RHAG: variants seen among roughly 807,000 people sequenced by gnomAD.
The protein encoded by RHAG is Rh associated glycoprotein, also known as ammonium transporter Rh type A.
RHAG carries 25 observed loss-of-function variants against 42.4 expected under a neutral mutation model. The observed-to-expected ratio is 0.59, with a 90% confidence interval of 0.43 to 0.82. The LOEUF is 0.82. Ranked by LOEUF, RHAG falls within the 40% of genes least tolerant of loss-of-function variation. The pLI is 0.00. For missense variants in RHAG, 483 were observed against 504.6 expected (o/e 0.96, Z 0.41); for synonymous variants, 182 against 177.7 (o/e 1.02, Z -0.19).
intron 3 of RHAG, among the ~76,000 whole-genome samples, chr6:49,617,864 AG>A (rs1762679996): frequency 6.6e-6 from 1 of 152,210 alleles, no homozygotes; most frequent in African/African-American, 2.4e-5. Context: ...CGTACAATGC[AG>A]TGTTGTTGTG....
chr6:49,615,002 C>A, intron 4 of RHAG, 149 bp from the exon 5 acceptor site: 1 of 743,256 alleles, frequency 1.3e-6, no homozygotes, highest in Non-Finnish European at 2.2e-6. Flanking sequence ...GGCTGGAGTG[C>A]AGTGGCTTGA....
chr6:49,611,274 A>G, intron 6 of RHAG, 129 bp from the exon 7 acceptor site: 1 of 711,872 alleles, frequency 1.4e-6, no homozygotes, highest in Admixed American at 2.6e-5. Context: ...TTTTATGTAT[A>G]TTTAAGGTAT....
chr6:49,608,470 C>A (rs1985222), intron 7 of RHAG, among the ~76,000 whole-genome samples: 33,997 of 143,508 alleles, frequency 0.24, 4,324 homozygotes, highest in Non-Finnish European at 0.32. Flanking sequence ...GTCTCCTCCC[C>A]GCGTTCAAGC....
chr6:49,632,040 C>T (rs1440189831), intron 1 of RHAG: 1 of 152,126 alleles, frequency 6.6e-6, no homozygotes, highest in African/African-American at 2.4e-5. Context: ...CCACAGATAT[C>T]TGGGTGTCCT....
chr6:49,616,362 A>G (rs1343205987), intron 3 of RHAG, among the ~76,000 whole-genome samples: 1 of 93,668 alleles, frequency 1.1e-5, no homozygotes, highest in African/African-American at 3.1e-5. Context: ...ACCAAAAAAA[A>G]AAAAAAAAAA....
chr6:49,608,504 A>G (rs1762513753), intron 7 of RHAG, among the ~76,000 whole-genome samples: 1 of 152,056 alleles, frequency 6.6e-6, no homozygotes, highest in Non-Finnish European at 1.5e-5. Flanking sequence ...CAGCCTCGCA[A>G]GTAGCTGGGA....
intron 6 of RHAG, among the ~76,000 whole-genome samples, chr6:49,611,705 C>A (rs373554375): frequency 2.6e-5 from 4 of 151,514 alleles, no homozygotes; most frequent in Non-Finnish European, 5.9e-5. Context: ...TCACATTCTA[C>A]TCCTTCTCAC....
chr6:49,610,539 T>C (rs150567151), intron 7 of RHAG, among the ~76,000 whole-genome samples: 3 of 152,196 alleles, frequency 2.0e-5, no homozygotes, highest in Admixed American at 6.5e-5. Context: ...TGCTGAGTGA[T>C]ACCTCAGAGG....
rs965580580 is a variant in RHAG, at chr6:49,626,363, A to G, written c.158-7001T>C. ...AAATTGGCAAAAACAAAGTGGCTAC[A>G]GGCCCCATGCAAGCCTGAAATCCAA... On this transcript the variant is annotated intron_variant, in intron 1 of 9. Transcript: ENST00000371175. Among the ~76,000 whole-genome samples the G allele has an allele frequency of 2.6e-5, 4 of 152,244 alleles. No individual in the cohort carries two copies. The East Asian group carries it at 5.8e-4, about 22-fold the overall frequency.
intron 1 of RHAG, among the ~76,000 whole-genome samples, chr6:49,634,930 A>G (rs1480902154): frequency 2.1e-5 from 3 of 139,672 alleles, no homozygotes; most frequent in African/African-American, 8.1e-5. Context: ...CATTACCTCT[A>G]CATTGTTATT....
At chr6:49,613,415 C>T (rs1762599351) in intron 5 of RHAG, among the ~76,000 whole-genome samples, 1 of 152,126 alleles carries the variant, frequency 6.6e-6, no homozygotes, top group Non-Finnish European at 1.5e-5. Context: ...AAGTTGCAGT[C>T]TGGCTATTCT....
In RHAG at chr6:49,615,745, C is replaced by A. The variant is rs770407725; in HGVS notation, c.519G>T (p.Thr173=). Residue 173 remains threonine (T), a synonymous_variant, in exon 4 of 10, where the codon ACG becomes ACT. Coordinates refer to ENST00000371175, the MANE Select transcript of RHAG (RefSeq NM_000324.3). ...FKASDIGASM[T]IHAFGAYFGL... ...CAAAGTAGGCCCCAAAGGCATGGAT[C>A]GTCATTGATGCTCCAATGTCAGAGG... The A allele has an allele frequency of 6.2e-7, 1 of 1,614,110 alleles. No homozygotes were observed. The highest frequency in any genetic ancestry group is 8.5e-7 in the Non-Finnish European group (1 of 1,180,014).
intron 7 of RHAG, among the ~76,000 whole-genome samples, chr6:49,608,548 T>C (rs1762514273): frequency 6.6e-6 from 1 of 152,118 alleles, no homozygotes; most frequent in Non-Finnish European, 1.5e-5. Flanking sequence ...GGGTACTTTT[T>C]GTGTTTTTAG....
At chr6:49,630,365 G>C (rs1163567128) in intron 1 of RHAG, among the ~76,000 whole-genome samples, 1 of 152,216 alleles carries the variant, frequency 6.6e-6, no homozygotes, top group Non-Finnish European at 1.5e-5. Flanking sequence ...GCTTGTCTCA[G>C]AGAACTCAAC....
At position 49,605,577 on chromosome 6, in the gene RHAG, C is replaced by T; in HGVS notation, c.*236G>A. 1.7e-6 allele frequency: 1 copy of T among 602,890 alleles called. No homozygotes were observed. The highest frequency in any genetic ancestry group is 3.0e-6 in the Non-Finnish European group (1 of 332,476). The allele number at this position is 602,890 out of a possible 1,614,324, so 37.3% of individuals were successfully genotyped here. A position where few individuals can be genotyped will look rare whatever the true frequency, so the allele number is the denominator to read the frequency against. Reference sequence around the variant, plus strand: ...GATTATCTGTTTTATGAGTAACATCCCCTCAATTAATCATTGAAGAGCAAG... The same window carrying T: ...GATTATCTGTTTTATGAGTAACATCTCCTCAATTAATCATTGAAGAGCAAG... On this transcript the variant is annotated 3_prime_UTR_variant, in exon 10 of 10. Transcript: ENST00000371175.
chr6:49,628,858 G>A (rs536045278), intron 1 of RHAG, among the ~76,000 whole-genome samples: 4 of 152,198 alleles, frequency 2.6e-5, no homozygotes, highest in African/African-American at 4.8e-5. Context: ...TGGACCCAAA[G>A]AGTGAGCAGT....
At chr6:49,620,305 T>C (rs1762731851) in intron 1 of RHAG, among the ~76,000 whole-genome samples, 1 of 152,198 alleles carries the variant, frequency 6.6e-6, no homozygotes, top group Non-Finnish European at 1.5e-5. Context: ...GGTAAAGTAT[T>C]ATGCCAATAA....
At chr6:49,612,155 A>C (rs1048519858) in intron 6 of RHAG, among the ~76,000 whole-genome samples, 3 of 152,210 alleles carry the variant, frequency 2.0e-5, no homozygotes, top group African/African-American at 7.2e-5. Flanking sequence ...CATGTACTTA[A>C]CATTTAATTC....
chr6:49,607,336 G>T lies in RHAG; in HGVS notation c.1068-116C>A. ...TCAGGCCAGAGTGTAACATTACACA[G>T]CAGCAAATTAAGCATTTGTTACAAT... On this transcript the variant is annotated intron_variant, in intron 7 of 9. Coordinates refer to ENST00000371175, the MANE Select transcript of RHAG (RefSeq NM_000324.3). 5 of 766,064 alleles carry T rather than the reference G, an allele frequency of 6.5e-6. No homozygotes were observed. The South Asian group carries it at 7.4e-5, about 11-fold the overall frequency. 47.5% of individuals were successfully genotyped at this position (766,064 alleles called of 1,614,324 possible).
Sources: gnomAD v4.1 joint callset for allele counts (sites outside exome capture counted in the v4.1 genomes callset) on GRCh38, gnomAD v4.1.1 for gene constraint, MANE v1.5 for transcripts, NCBI Gene and HGNC (gene_info 2026-07-23, HGNC 2026-07-21) for gene names.